The following SLC16A2 variants were observed in gnomAD, a reference collection of about 807,000 sequenced individuals.
SLC16A2 encodes monocarboxylate transporter 8.
A neutral mutation model predicts 27.2 loss-of-function variants in SLC16A2; 3 were observed. The ratio of observed to expected loss-of-function variants is 0.11; its 90% CI spans 0.05 to 0.28. The LOEUF (loss-of-function observed/expected upper bound fraction) is 0.28, where lower values mean the gene tolerates loss of function less well. Among genes scored for constraint, SLC16A2 ranks in the 10% least tolerant of loss-of-function variants. The pLI is 1.00. For missense variants in SLC16A2, 295 were observed against 458.5 expected (o/e 0.64, Z 3.26); for synonymous variants, 202 against 187.8 (o/e 1.08, Z -0.62).
intron 1 of SLC16A2, among the ~76,000 whole-genome samples, chrX:74,427,620 C>T (rs1928423869): frequency 9.0e-6 from 1 of 111,526 alleles, no homozygotes; most frequent in Non-Finnish European, 1.9e-5. Flanking sequence ...CCACCAGCCT[C>T]ATTTTATGGT....
At chrX:74,491,290 T>G (rs1235209042) in intron 1 of SLC16A2, among the ~76,000 whole-genome samples, 2 of 112,012 alleles carry the variant, frequency 1.8e-5, no homozygotes, top group African/African-American at 6.5e-5. Flanking sequence ...AGATATACAT[T>G]GGTTTGGTTC....
chrX:74,480,312 G>T (rs966723198), intron 1 of SLC16A2, among the ~76,000 whole-genome samples: 2 of 112,749 alleles, frequency 1.8e-5, no homozygotes, highest in African/African-American at 6.4e-5. Flanking sequence ...CTGGTGTGCT[G>T]TTTGCTAAGG....
chrX:74,511,195 T>G (rs937750538), intron 1 of SLC16A2, among the ~76,000 whole-genome samples: 1 of 111,343 alleles, frequency 9.0e-6, no homozygotes, highest in Non-Finnish European at 1.9e-5. Context: ...ATTTTATTTT[T>G]TTTTGAGACG....
intron 1 of SLC16A2, among the ~76,000 whole-genome samples, chrX:74,432,978 G>T (rs1275062087): frequency 8.9e-6 from 1 of 112,054 alleles, no homozygotes; most frequent in Non-Finnish European, 1.9e-5. Flanking sequence ...TATCTGGTGT[G>T]TCCCTTCAGA....
At chrX:74,428,969 C>T (rs1007839278) in intron 1 of SLC16A2, among the ~76,000 whole-genome samples, 1 of 111,197 alleles carries the variant, frequency 9.0e-6, no homozygotes, top group Admixed American at 9.6e-5. Flanking sequence ...CTGGTTCATT[C>T]TATTTTGAGC....
intron 1 of SLC16A2, chrX:74,473,761 A>C: frequency 1.3e-6 from 1 of 740,797 alleles, no homozygotes; most frequent in Non-Finnish European, 2.1e-6. Context: ...CCACGGTGTC[A>C]TATGTGACAA....
intron 1 of SLC16A2, 131 bp from the exon 2 acceptor site, chrX:74,520,859 G>T (rs1930395084): frequency 1.5e-6 from 1 of 681,052 alleles, no homozygotes. Flanking sequence ...GAACATCAGG[G>T]ACTAGCAAGC....
chrX:74,475,332 T>A (rs1195104586), intron 1 of SLC16A2, among the ~76,000 whole-genome samples: 2 of 110,854 alleles, frequency 1.8e-5, no homozygotes, highest in African/African-American at 6.6e-5. Flanking sequence ...GAGTTGTTTG[T>A]TTTTTTCTTG....
intron 1 of SLC16A2, among the ~76,000 whole-genome samples, chrX:74,459,870 C>T (rs1929105718): frequency 9.0e-6 from 1 of 111,524 alleles, no homozygotes; most frequent in Non-Finnish European, 1.9e-5. Flanking sequence ...AGTATAATGA[C>T]TTTGGTCAAC....
chrX:74,528,805 CTT>C (rs1204971106), intron 4 of SLC16A2, among the ~76,000 whole-genome samples: 1 of 112,144 alleles, frequency 8.9e-6, no homozygotes, highest in Non-Finnish European at 1.9e-5. Flanking sequence ...TCCCTTCCCT[CTT>C]TCCATATTTT....
rs1280405304 is a variant in SLC16A2, at chrX:74,525,861, T to A, written c.1138T>A (p.Ser380Thr). 8.3e-7 allele frequency: 1 copy of A among 1,209,813 alleles called. No homozygotes were observed. The highest frequency in any genetic ancestry group is 1.1e-6 in the Non-Finnish European group (1 of 895,204). Residue 380 changes from serine to threonine, a missense_variant, in exon 4 of 6, where the codon TCC becomes ACC. Around this residue, in one of 3 missense-constraint regions of SLC16A2, gnomAD observed 144 missense variants for 219.8 expected, o/e 0.66. Transcript: ENST00000587091. ...GRLVSGHISDSIPGLKKIYLQ... is the reference protein window; with the variant it reads ...GRLVSGHISDTIPGLKKIYLQ... ...TCTTGTGTCAGGCCACATCAGTGAC[T>A]CCATCCCTGGACTTAAGAAGATCTA...
intron 1 of SLC16A2, among the ~76,000 whole-genome samples, chrX:74,478,691 C>A (rs1213198821): frequency 9.1e-6 from 1 of 110,222 alleles, no homozygotes; most frequent in Non-Finnish European, 1.9e-5. Context: ...GTGACAAAAT[C>A]TCTCAGCATT....
chrX:74,505,740 T>C (rs953633355), intron 1 of SLC16A2, among the ~76,000 whole-genome samples: 2 of 112,260 alleles, frequency 1.8e-5, no homozygotes, highest in African/African-American at 6.5e-5. Context: ...TCCTTCCTAA[T>C]GTTAAACTAC....
intron 1 of SLC16A2, among the ~76,000 whole-genome samples, chrX:74,480,912 G>A (rs191887181): frequency 8.9e-6 from 1 of 111,995 alleles, no homozygotes; most frequent in East Asian, 2.8e-4. Context: ...TTTATTCCTA[G>A]TTTGTTGAAT....
chrX:74,434,151 G>T (rs1406596044), intron 1 of SLC16A2, among the ~76,000 whole-genome samples: 1 of 104,380 alleles, frequency 9.6e-6, no homozygotes, highest in African/African-American at 3.7e-5. Context: ...GAAGGAAAAG[G>T]GTCCCTCAAG....
At chrX:74,473,317 C>G in intron 1 of SLC16A2, 2 of 552,544 alleles carry the variant, frequency 3.6e-6, no homozygotes, top group East Asian at 6.7e-5. Context: ...GCTTCCTCCA[C>G]GACCACCACC....
chrX:74,482,261 G>T (rs1215852577), intron 1 of SLC16A2, among the ~76,000 whole-genome samples: 1 of 111,769 alleles, frequency 8.9e-6, no homozygotes, highest in Admixed American at 9.5e-5. Flanking sequence ...TTTTGATGTG[G>T]TGTGTCTGAA....
At chrX:74,512,105 C>T (rs964550648) in intron 1 of SLC16A2, among the ~76,000 whole-genome samples, 3 of 112,044 alleles carry the variant, frequency 2.7e-5, no homozygotes, top group Admixed American at 9.5e-5. Flanking sequence ...CTGGATGTGC[C>T]GGCATAAGTC....
chrX:74,433,720 T>A (rs183341129), intron 1 of SLC16A2, among the ~76,000 whole-genome samples: 11 of 112,094 alleles, frequency 9.8e-5, no homozygotes, highest in East Asian at 5.6e-4. Context: ...TCATTTTTTT[T>A]AAATGATTGC....
Sources: gnomAD v4.1 joint callset for allele counts (sites outside exome capture counted in the v4.1 genomes callset) on GRCh38, gnomAD v4.1.1 for gene constraint, gnomAD v4.1.1 regional missense constraint, MANE v1.5 for transcripts, NCBI Gene and HGNC (gene_info 2026-07-23, HGNC 2026-07-21) for gene names.